DPP10: variants seen among roughly 807,000 people sequenced by gnomAD.
DPP10 encodes the protein inactive dipeptidyl peptidase 10.
DPP10 carries 33 observed loss-of-function variants against 120.9 expected under a neutral mutation model. The ratio of observed to expected loss-of-function variants is 0.27; its 90% CI spans 0.21 to 0.37. The LOEUF is 0.37. DPP10 is among the 10% of genes least tolerant of loss of function. DPP10 has a pLI of 1.00. For missense variants in DPP10, 816 were observed against 942.8 expected (o/e 0.87, Z 1.76); for synonymous variants, 337 against 326.1 (o/e 1.03, Z -0.36).
chr2:115,195,859 C>G (rs577310246), intron 1 of DPP10, among the ~76,000 whole-genome samples: 3 of 152,136 alleles, frequency 2.0e-5, no homozygotes, highest in Non-Finnish European at 4.4e-5. Context: ...TTTTTCTCTT[C>G]TTTTTCTGCA....
At chr2:115,085,131 T>C (rs1708585963) in intron 1 of DPP10, among the ~76,000 whole-genome samples, 2 of 152,226 alleles carry the variant, frequency 1.3e-5, no homozygotes, top group South Asian at 2.1e-4. Flanking sequence ...CTGAAATGAA[T>C]AGCATTCTGC....
chr2:115,617,160 A>G (rs888758026), intron 5 of DPP10, among the ~76,000 whole-genome samples: 5 of 149,736 alleles, frequency 3.3e-5, no homozygotes, highest in Non-Finnish European at 7.4e-5. Flanking sequence ...CATGAGGCTT[A>G]TACAGTAGTT....
chr2:115,832,806 T>C (rs898649477), intron 21 of DPP10, among the ~76,000 whole-genome samples: 1 of 149,988 alleles, frequency 6.7e-6, no homozygotes, highest in Admixed American at 6.7e-5. Context: ...CACTGGCACT[T>C]TTTTTTTTTA....
intron 11 of DPP10, among the ~76,000 whole-genome samples, chr2:115,759,005 C>T (rs1189250672): frequency 1.3e-5 from 2 of 152,048 alleles, no homozygotes; most frequent in East Asian, 3.9e-4. Context: ...TAAAACCTTA[C>T]TATACTGAAT....
rs149865051 is a variant in DPP10, at chr2:114,686,992, A to G, written c.60+244154A>G. On this transcript the variant is annotated intron_variant, in intron 1 of 25. Coordinates refer to ENST00000410059, the MANE Select transcript of DPP10 (RefSeq NM_020868.6). Reference sequence around the variant, plus strand: ...TTGCTCATTACCTTGCAATATATGAACAAAATCTATATGTTTAACCACATC... The same window carrying G: ...TTGCTCATTACCTTGCAATATATGAGCAAAATCTATATGTTTAACCACATC... Among the ~76,000 whole-genome samples, 618 of 152,122 alleles carry G rather than the reference A, an allele frequency of 4.1e-3. 3 individuals carry two copies. Among genetic ancestry groups the G allele is most frequent in the African/African-American group, 0.014 (597 of 41,546 alleles).
intron 8 of DPP10, 25 bp from the exon 9 acceptor site, chr2:115,739,714 C>A: frequency 1.2e-6 from 2 of 1,609,568 alleles, no homozygotes; most frequent in South Asian, 1.1e-5. Context: ...TACAGTTGGT[C>A]TCAAATAACA....
At chr2:114,967,224 G>A (rs1699097873) in intron 1 of DPP10, among the ~76,000 whole-genome samples, 1 of 152,184 alleles carries the variant, frequency 6.6e-6, no homozygotes, top group Non-Finnish European at 1.5e-5. Flanking sequence ...GCAGCATTCA[G>A]AACAGAGGAA....
chr2:114,562,783 T>A (rs1688872338), intron 1 of DPP10, among the ~76,000 whole-genome samples: 1 of 152,260 alleles, frequency 6.6e-6, no homozygotes. Flanking sequence ...TATCTTGATT[T>A]ATTATATGAC....
chr2:115,164,498 C>G (rs1019283104), intron 1 of DPP10, among the ~76,000 whole-genome samples: 3 of 151,734 alleles, frequency 2.0e-5, no homozygotes, highest in Non-Finnish European at 4.4e-5. Context: ...GAAATTTTAC[C>G]TAGTGGTTAA....
chr2:115,476,060 T>C (rs2075056535), intron 3 of DPP10, among the ~76,000 whole-genome samples: 1 of 152,120 alleles, frequency 6.6e-6, no homozygotes, highest in East Asian at 1.9e-4. Context: ...GATATGATTG[T>C]ATTTTGAAAT....
intron 5 of DPP10, among the ~76,000 whole-genome samples, chr2:115,630,640 C>A (rs2085776006): frequency 6.6e-6 from 1 of 152,058 alleles, no homozygotes; most frequent in South Asian, 2.1e-4. Flanking sequence ...TATCAAAGGC[C>A]TTTTCTGCAT....
chr2:115,138,977 C>T (rs2050784352), intron 1 of DPP10, among the ~76,000 whole-genome samples: 1 of 152,028 alleles, frequency 6.6e-6, no homozygotes. Context: ...AAATGAATTG[C>T]ATGTTGATGG....
intron 1 of DPP10, among the ~76,000 whole-genome samples, chr2:114,994,908 G>A (rs1163777079): frequency 6.6e-6 from 1 of 151,952 alleles, no homozygotes. Flanking sequence ...ATTTATTTCT[G>A]CATAGAATTT....
intron 1 of DPP10, among the ~76,000 whole-genome samples, chr2:114,664,626 CAAAAAAAAAAA>C (rs374561367): frequency 1.2e-5 from 1 of 81,562 alleles, no homozygotes; most frequent in Non-Finnish European, 2.9e-5. Context: ...GACTCCGTCT[CAAAAAAAAAAA>C]AAAAAAAAAA....
chr2:114,907,140 T>TAA, intron 1 of DPP10, among the ~76,000 whole-genome samples: 1 of 151,600 alleles, frequency 6.6e-6, no homozygotes, highest in South Asian at 2.1e-4. Context: ...CTTTCATATT[T>TAA]AAAAAAAAAT....
At chr2:114,834,248 GTATATA>G in intron 1 of DPP10, among the ~76,000 whole-genome samples, 1 of 145,272 alleles carries the variant, frequency 6.9e-6, no homozygotes, top group South Asian at 2.2e-4. Context: ...ACACACCTAT[GTATATA>G]TAAGACATAT....
intron 1 of DPP10, among the ~76,000 whole-genome samples, chr2:114,858,977 G>A (rs13020576): frequency 0.27 from 40,350 of 151,852 alleles, 5,962 homozygotes; most frequent in East Asian, 0.58. Context: ...AATCTCAATA[G>A]GAGTAGCATC....
chr2:114,810,588 T>C (rs1285105477), intron 1 of DPP10, among the ~76,000 whole-genome samples: 3 of 152,214 alleles, frequency 2.0e-5, no homozygotes, highest in Non-Finnish European at 2.9e-5. Context: ...AGGGACTAAA[T>C]CAAAAGGCAC....
chr2:114,659,458 C>T (rs550004350), intron 1 of DPP10, among the ~76,000 whole-genome samples: 1 of 151,948 alleles, frequency 6.6e-6, no homozygotes. Flanking sequence ...AGCATTATTT[C>T]TGACTTTAAA....
Sources: gnomAD v4.1 joint callset for allele counts (sites outside exome capture counted in the v4.1 genomes callset) on GRCh38, gnomAD v4.1.1 for gene constraint, MANE v1.5 for transcripts, NCBI Gene and HGNC (gene_info 2026-07-23, HGNC 2026-07-21) for gene names.